The following SVOP variants were observed in gnomAD, a reference collection of about 807,000 sequenced individuals.
SVOP encodes the protein synaptic vesicle 2-related protein.
Under a neutral mutation model 69.1 loss-of-function variants are expected in SVOP, and 17 were observed. That is an observed-to-expected ratio of 0.25 (90% CI 0.17 to 0.37). SVOP has a LOEUF of 0.37. SVOP is among the 10% of genes least tolerant of loss of function. The pLI is 1.00. For missense variants in SVOP, 435 were observed against 597.5 expected (o/e 0.73, Z 2.84); for synonymous variants, 238 against 238.6 (o/e 1.00, Z 0.02).
intron 7 of SVOP, 72 bp downstream of exon 7, chr12:108,945,031 T>C: frequency 7.3e-7 from 1 of 1,379,284 alleles, no homozygotes; most frequent in Non-Finnish European, 9.9e-7. Context: ...CCTTGACCTG[T>C]GGTTCAAGAC....
At chr12:108,971,931 G>A (rs2040081796) in intron 5 of SVOP, among the ~76,000 whole-genome samples, 1 of 151,968 alleles carries the variant, frequency 6.6e-6, no homozygotes, top group Non-Finnish European at 1.5e-5. Context: ...GCGCATGCTT[G>A]TAGTCCCAGC....
At chr12:108,975,478 G>A (rs1003014794) in intron 4 of SVOP, among the ~76,000 whole-genome samples, 1 of 152,214 alleles carries the variant, frequency 6.6e-6, no homozygotes, top group Non-Finnish European at 1.5e-5. Context: ...GGCTGTCTGG[G>A]CTTGTGCAAG....
At chr12:109,014,310 C>T (rs756491187) in intron 1 of SVOP, among the ~76,000 whole-genome samples, 2 of 152,150 alleles carry the variant, frequency 1.3e-5, no homozygotes, top group Admixed American at 6.5e-5. Flanking sequence ...CCACTGCACC[C>T]GGCCAAAATG....
intron 11 of SVOP, among the ~76,000 whole-genome samples, chr12:108,933,470 G>A (rs1191122201): frequency 6.6e-6 from 1 of 151,808 alleles, no homozygotes; most frequent in Non-Finnish European, 1.5e-5. Flanking sequence ...CTGAGGTCAG[G>A]AGTTTGAGAC....
At chr12:108,989,217 GCAC>G (rs2040184701) in intron 1 of SVOP, among the ~76,000 whole-genome samples, 1 of 152,104 alleles carries the variant, frequency 6.6e-6, no homozygotes, top group African/African-American at 2.4e-5. Flanking sequence ...CTACAGGCAC[GCAC>G]CACCACCACA....
At chr12:108,939,054 T>TG (rs2039873549) in intron 8 of SVOP, 99 bp from the exon 9 acceptor site, 1 of 1,539,952 alleles carries the variant, frequency 6.5e-7, no homozygotes, top group Non-Finnish European at 8.8e-7. Flanking sequence ...TCTTTAAGAG[T>TG]GGGGGCTCTG....
At chr12:108,927,847 C>T (rs1208260933) in intron 11 of SVOP, among the ~76,000 whole-genome samples, 2 of 151,958 alleles carry the variant, frequency 1.3e-5, no homozygotes, top group Non-Finnish European at 2.9e-5. Context: ...TCACCTGCCT[C>T]AGCCTCCCAA....
rs1209971525 is a variant in SVOP, at chr12:108,911,114, T to C, written c.*1421A>G. ...AACTCAAAACCAACTGGCCTCCCAC[T>C]GCTTCCTTTGAAAACATATACATTT... On this transcript the variant is annotated 3_prime_UTR_variant, in exon 16 of 16. Transcript: ENST00000610966. 1 of 152,224 alleles carries C rather than the reference T, an allele frequency of 6.6e-6. No individual in the cohort carries two copies. The highest frequency in any genetic ancestry group is 1.9e-4 in the East Asian group (1 of 5,174). 9.4% of individuals were successfully genotyped at this position (152,224 alleles called of 1,614,324 possible). A position where few individuals can be genotyped will look rare whatever the true frequency, so the allele number is the denominator to read the frequency against.
At chr12:108,990,780 T>G (rs1376576393) in intron 1 of SVOP, among the ~76,000 whole-genome samples, 1 of 152,212 alleles carries the variant, frequency 6.6e-6, no homozygotes, top group Non-Finnish European at 1.5e-5. Context: ...GACTGTCACT[T>G]GAGTCCAGGG....
At chr12:109,018,747 T>A (rs970766808) in intron 1 of SVOP, among the ~76,000 whole-genome samples, 13 of 152,174 alleles carry the variant, frequency 8.5e-5, no homozygotes, top group African/African-American at 3.1e-4. Flanking sequence ...AGATTAAGAT[T>A]TTGAGGGAGT....
At chr12:108,997,684 C>T (rs1206078756) in intron 1 of SVOP, among the ~76,000 whole-genome samples, 2 of 151,364 alleles carry the variant, frequency 1.3e-5, no homozygotes, top group East Asian at 3.9e-4. Flanking sequence ...CTGGGAGGCA[C>T]CCCCCAGCAG....
intron 1 of SVOP, among the ~76,000 whole-genome samples, chr12:109,017,041 A>G (rs1429684960): frequency 6.6e-6 from 1 of 152,044 alleles, no homozygotes; most frequent in Non-Finnish European, 1.5e-5. Flanking sequence ...CTCCTACCAA[A>G]CCAGTGCTGT....
At chr12:108,964,028 T>C (rs2040031679) in intron 5 of SVOP, among the ~76,000 whole-genome samples, 1 of 152,122 alleles carries the variant, frequency 6.6e-6, no homozygotes, top group African/African-American at 2.4e-5. Flanking sequence ...ATGTTACAAG[T>C]GATCGATTTT....
At position 108,938,858 on chromosome 12, in the gene SVOP, A is replaced by C; in HGVS notation, c.866T>G (p.Met289Arg). 1 of 1,613,972 alleles carries C rather than the reference A, an allele frequency of 6.2e-7. No homozygotes were observed. The highest frequency in any genetic ancestry group is 1.7e-5 in the Admixed American group (1 of 60,018). Residue 289 changes from methionine to arginine, a missense_variant, in exon 9 of 16, where the codon ATG (methionine) becomes AGG (arginine). Coordinates refer to ENST00000610966, the MANE Select transcript of SVOP (RefSeq NM_018711.5). ...KRIATENGAP[M>R]PLGKLIISRQ... ...GGAGATGATGAGTTTCCCCAGCGGCATGGGAGCTCCGTTTTCAGTTGCTAT... is the reference window on the plus strand; with the variant it reads ...GGAGATGATGAGTTTCCCCAGCGGCCTGGGAGCTCCGTTTTCAGTTGCTAT...
At chr12:108,939,087 T>C in intron 8 of SVOP, 132 bp from the exon 9 acceptor site, 1 of 1,269,028 alleles carries the variant, frequency 7.9e-7, no homozygotes, top group Non-Finnish European at 1.1e-6. Context: ...TGACTTCAAA[T>C]CCTGGCCCCA....
rs943563180 is a variant in SVOP, at chr12:108,980,577, C to T, written c.197-1914G>A. On this transcript the variant is annotated intron_variant, in intron 2 of 15. Transcript: ENST00000610966. ...CATCCTGGCCAACATGGTGAAACCC[C>T]GTCTCTACTGAAAATACAAAAAATT... Among the ~76,000 whole-genome samples, 89 of 148,406 alleles carry T rather than the reference C, an allele frequency of 6.0e-4. 3 individuals are homozygous for T. The highest frequency in any genetic ancestry group is 1.7e-3 in the African/African-American group (68 of 39,572).
chr12:109,019,497 T>C (rs550590827), intron 1 of SVOP, among the ~76,000 whole-genome samples: 2 of 152,310 alleles, frequency 1.3e-5, no homozygotes, highest in Admixed American at 1.3e-4. Context: ...TTTCTGATAT[T>C]AAATTATTTT....
At chr12:109,015,040 T>C (rs1466323226) in intron 1 of SVOP, among the ~76,000 whole-genome samples, 1 of 152,208 alleles carries the variant, frequency 6.6e-6, no homozygotes, top group Non-Finnish European at 1.5e-5. Flanking sequence ...ATTTTTTATT[T>C]TAATAGTAGC....
At chr12:108,927,587 CTCTTTT>C (rs1224037935) in intron 11 of SVOP, among the ~76,000 whole-genome samples, 6 of 111,208 alleles carry the variant, frequency 5.4e-5, no homozygotes, top group Admixed American at 1.2e-4. Flanking sequence ...CTCTCTCTCT[CTCTTTT>C]TTTTTTTTTT....
Sources: gnomAD v4.1 joint callset for allele counts (sites outside exome capture counted in the v4.1 genomes callset) on GRCh38, gnomAD v4.1.1 for gene constraint, MANE v1.5 for transcripts, NCBI Gene and HGNC (gene_info 2026-07-23, HGNC 2026-07-21) for gene names.